Variants in AIG1 observed in about 807,000 individuals in gnomAD.
AIG1 encodes androgen-induced gene 1 protein.
AIG1 carries 23 observed loss-of-function variants against 31.4 expected under a neutral mutation model. That is an observed-to-expected ratio of 0.73 (90% CI 0.53 to 1.04). The LOEUF (loss-of-function observed/expected upper bound fraction) is 1.04, where lower values mean the gene tolerates loss of function less well. Ranked by LOEUF, AIG1 falls within the 50% of genes least tolerant of loss-of-function variation. The pLI is 0.00. For missense variants in AIG1, 274 were observed against 295.0 expected (o/e 0.93, Z 0.52); for synonymous variants, 100 against 110.5 (o/e 0.90, Z 0.60).
intron 2 of AIG1, among the ~76,000 whole-genome samples, chr6:143,139,678 T>C (rs1226849989): frequency 6.6e-6 from 1 of 152,170 alleles, no homozygotes; most frequent in South Asian, 2.1e-4. Context: ...TTTCTCTCTT[T>C]TCCCCCCTCC....
chr6:143,209,739 G>GC lies in AIG1; in HGVS notation c.399+44561dup, dbSNP rs150436221. 2.8e-3 allele frequency among the ~76,000 whole-genome samples: 424 copies of GC among 152,246 alleles called. 10 individuals carry two copies. The East Asian group carries it at 0.059, about 21-fold the overall frequency. On this transcript the variant is annotated intron_variant, in intron 3 of 5. Transcript: ENST00000357847. ...AGATAATAAATATGTATTGTTGTAG[G>GC]CCCCCAAGTTCATGGTAATTGGTAA...
At chr6:143,219,176 G>A (rs978156925) in intron 3 of AIG1, among the ~76,000 whole-genome samples, 5 of 152,218 alleles carry the variant, frequency 3.3e-5, no homozygotes, top group Non-Finnish European at 7.3e-5. Context: ...GTAAAGATCA[G>A]AATAAGTGTT....
At position 143,333,029 on chromosome 6, in the gene AIG1, C is replaced by T. The variant is rs1391504189; in HGVS notation, c.516-253C>T. On this transcript the variant is annotated intron_variant, in intron 4 of 5. Transcript: ENST00000357847. The surrounding 1 kb of genome is among the most constrained non-coding windows in gnomAD (Gnocchi z 4.6). The stretch of plus-strand genomic sequence containing the variant: ...TTTAGTCAATTGTCCCAGGATTATA[C>T]AAGATGTTAACATGAGGGGAAGCTG... Among the ~76,000 whole-genome samples, 4 of 152,154 alleles carry T rather than the reference C, an allele frequency of 2.6e-5. No homozygotes were observed. Among genetic ancestry groups the T allele is most frequent in the Non-Finnish European group, 4.4e-5 (3 of 68,036 alleles).
chr6:143,323,619 G>C (rs1374653398), intron 4 of AIG1, among the ~76,000 whole-genome samples: 1 of 152,068 alleles, frequency 6.6e-6, no homozygotes, highest in Non-Finnish European at 1.5e-5. Flanking sequence ...TTACTAAGGA[G>C]ACCATTTTGA....
At position 143,288,835 on chromosome 6, in the gene AIG1, G is replaced by C. The variant is rs576968640; in HGVS notation, c.515+4610G>C. On this transcript the variant is annotated intron_variant, in intron 4 of 5. Coordinates refer to ENST00000357847, the MANE Select transcript of AIG1 (RefSeq NM_016108.4). This position sits in a 1 kb window ranked among gnomAD's most constrained non-coding sequence, Gnocchi z 4.4. ...CAAAGACATAAATCTATACCTGTAA[G>C]GTATGCATTGATTTGACCTGAAAAG... is the stretch of plus-strand genomic sequence containing the variant. 6.6e-6 allele frequency among the ~76,000 whole-genome samples: 1 copy of C among 152,262 alleles called. No individual in the cohort carries two copies. Among genetic ancestry groups the C allele is most frequent in the South Asian group, 2.1e-4 (1 of 4,822 alleles).
At chr6:143,179,662 T>C (rs1788536250) in intron 3 of AIG1, among the ~76,000 whole-genome samples, 1 of 152,186 alleles carries the variant, frequency 6.6e-6, no homozygotes, top group Admixed American at 6.5e-5. Flanking sequence ...ACTTTTTTTT[T>C]CTCAGCAACC....
Position 143,129,223 on chromosome 6 carries a change from G to A in AIG1, c.142-7612G>A, listed in dbSNP as rs1170515829. Among the ~76,000 whole-genome samples, 5 of 152,142 alleles carry A rather than the reference G, an allele frequency of 3.3e-5. No individual in the cohort carries two copies. In the East Asian group the frequency reaches 5.8e-4, roughly 18 times the overall value. Reference sequence around the variant, plus strand: ...GGCGAATGGCATGAACCTGGGAGGCGGAGCTTGCAGTGAGCCGAGATCGCA... The same window carrying A: ...GGCGAATGGCATGAACCTGGGAGGCAGAGCTTGCAGTGAGCCGAGATCGCA... On this transcript the variant is annotated intron_variant, in intron 1 of 5. Coordinates refer to ENST00000357847, the MANE Select transcript of AIG1 (RefSeq NM_016108.4).
chr6:143,240,084 G>A (rs905935257), intron 3 of AIG1, among the ~76,000 whole-genome samples: 29 of 152,196 alleles, frequency 1.9e-4, no homozygotes, highest in Admixed American at 1.2e-3. Context: ...CATAGGCGAT[G>A]AAGGAACAGA....
At chr6:143,242,735 T>G (rs974062770) in intron 3 of AIG1, among the ~76,000 whole-genome samples, 1 of 152,230 alleles carries the variant, frequency 6.6e-6, no homozygotes, top group Non-Finnish European at 1.5e-5. Flanking sequence ...TAAATTAGTT[T>G]TTTTAAGCTT....
intron 3 of AIG1, chr6:143,187,521 C>G: frequency 6.5e-7 from 1 of 1,534,630 alleles, no homozygotes; most frequent in Non-Finnish European, 8.7e-7. Context: ...ATTTTTTAAC[C>G]TGTTTTTCAC....
At chr6:143,300,580 C>T (rs978598236) in intron 4 of AIG1, among the ~76,000 whole-genome samples, 1 of 152,186 alleles carries the variant, frequency 6.6e-6, no homozygotes, top group African/African-American at 2.4e-5. Flanking sequence ...TTAAAAACTA[C>T]TAGTGATATG....
At chr6:143,209,510 T>A (rs1330519413) in intron 3 of AIG1, among the ~76,000 whole-genome samples, 1 of 152,040 alleles carries the variant, frequency 6.6e-6, no homozygotes, top group African/African-American at 2.4e-5. Context: ...CAGAGTAATA[T>A]GATGTAAAAA....
intron 1 of AIG1, among the ~76,000 whole-genome samples, chr6:143,076,833 G>T (rs1037479030): frequency 2.6e-5 from 4 of 151,902 alleles, no homozygotes; most frequent in Non-Finnish European, 4.4e-5. Flanking sequence ...CACCACGCCC[G>T]GCTAATTTCT....
At chr6:143,099,732 T>G (rs568389100) in intron 1 of AIG1, 1 of 152,332 alleles carries the variant, frequency 6.6e-6, no homozygotes, top group South Asian at 2.1e-4. Context: ...GGCAGAACAA[T>G]GGACCATTGT....
intron 3 of AIG1, among the ~76,000 whole-genome samples, chr6:143,168,377 A>T (rs1395309411): frequency 1.3e-5 from 2 of 151,292 alleles, no homozygotes; most frequent in Admixed American, 6.6e-5. Context: ...ATTTAACATT[A>T]GGTATATCTC....
chr6:143,198,580 G>T (rs977562950), intron 3 of AIG1, among the ~76,000 whole-genome samples: 1 of 152,204 alleles, frequency 6.6e-6, no homozygotes, highest in Non-Finnish European at 1.5e-5. Flanking sequence ...ATGGTCTGGA[G>T]GTTGGCAGGC....
At chr6:143,166,416 A>G (rs751163333) in intron 3 of AIG1, among the ~76,000 whole-genome samples, 4 of 152,186 alleles carry the variant, frequency 2.6e-5, no homozygotes, top group Non-Finnish European at 4.4e-5. Context: ...CTCCTGCCCC[A>G]AATGCCCTTC....
At chr6:143,307,493 AGCGGTGGCT>A (rs1799413272) in intron 4 of AIG1, among the ~76,000 whole-genome samples, 1 of 152,226 alleles carries the variant, frequency 6.6e-6, no homozygotes, top group Non-Finnish European at 1.5e-5. Flanking sequence ...GGGTAACAGC[AGCGGTGGCT>A]GCAGAACAGT....
rs907777540 is a variant in AIG1 at position 143,187,366 on chromosome 6, C to T, written c.399+22183C>T. The T allele has an allele frequency of 2.1e-5, 32 of 1,521,236 alleles. No homozygotes were observed. The African/African-American group carries it at 3.6e-4, about 17-fold the overall frequency. The allele number at this position is 1,521,236 out of a possible 1,614,324, so 94.2% of individuals were successfully genotyped here. A position where few individuals can be genotyped will look rare whatever the true frequency, so the allele number is the denominator to read the frequency against. ...TATTTTGCTGCATTCCATGGTGTCTCATTTATTTGTTTAATTTGCAGCTAT... is the reference window on the plus strand; with the variant it reads ...TATTTTGCTGCATTCCATGGTGTCTTATTTATTTGTTTAATTTGCAGCTAT... On this transcript the variant is annotated intron_variant, in intron 3 of 5. Coordinates refer to ENST00000357847, the MANE Select transcript of AIG1 (RefSeq NM_016108.4).
Sources: gnomAD v4.1 joint callset for allele counts (sites outside exome capture counted in the v4.1 genomes callset) on GRCh38, gnomAD v4.1.1 for gene constraint, Gnocchi (gnomAD v3.1) non-coding constraint, MANE v1.5 for transcripts, NCBI Gene and HGNC (gene_info 2026-07-23, HGNC 2026-07-21) for gene names.